The following FLII variants were observed in gnomAD, a reference collection of about 807,000 sequenced individuals.
FLII encodes the protein protein flightless-1 homolog.
In FLII, 101 loss-of-function variants were observed where a neutral mutation model predicts 156.2. The ratio of observed to expected loss-of-function variants is 0.65; its 90% CI spans 0.55 to 0.76. FLII has a LOEUF of 0.76. FLII is among the 30% of genes least tolerant of loss of function. The probability of loss-of-function intolerance (pLI) is 0.00; values close to 1 mark genes in which losing one functional copy is unlikely to be tolerated. For synonymous variants in FLII, 767 were observed against 685.8 expected (o/e 1.12, Z -1.85); for missense variants, 1,675 against 1,682.8 (o/e 1.00, Z 0.08).
intron 3 of FLII, 67 bp downstream of exon 3, chr17:18,256,459 G>T: frequency 1.5e-6 from 2 of 1,309,110 alleles, no homozygotes; most frequent in Non-Finnish European, 2.1e-6. Flanking sequence ...GTCTAGCCCA[G>T]GCTTCACGTC....
chr17:18,252,284 G>A, intron 10 of FLII, 138 bp from the exon 11 acceptor site: 1 of 923,048 alleles, frequency 1.1e-6, no homozygotes, highest in Non-Finnish European at 1.7e-6. Flanking sequence ...CCCACCTCTG[G>A]GGCTGGCTGG....
In FLII at chr17:18,246,283, A is replaced by C. The variant is rs539123081; in HGVS notation, c.3206+25T>G. 8.1e-6 allele frequency: 13 copies of C among 1,614,074 alleles called. No individual in the cohort carries two copies. In the East Asian group the frequency reaches 2.9e-4, roughly 36 times the overall value. On this transcript the variant is annotated intron_variant, in intron 24 of 29. Transcript: ENST00000327031. Reference sequence around the variant, plus strand: ...CCTGGCTCCCTGACGCTTGCTCGCCACTGCGTCCTCCCCCAGCCAGGCACC... The same window carrying C: ...CCTGGCTCCCTGACGCTTGCTCGCCCCTGCGTCCTCCCCCAGCCAGGCACC...
In FLII at chr17:18,245,752, AC is replaced by A. The variant is rs2048019946; in HGVS notation, c.3494del (p.Arg1165LeufsTer14). ...CAGGGCCCTGGCCTCACCGGAAGAG[AC>A]GTGTGTGTTTCATGTACTCGGCATC... ...DDDAEYMKHT[R>X]LFRCSNEKGY... On this transcript the variant is annotated frameshift_variant, in exon 27 of 30. Coordinates refer to ENST00000327031, the MANE Select transcript of FLII (RefSeq NM_002018.4). LOFTEE classifies it high-confidence loss of function. The A allele has an allele frequency of 1.2e-6, 2 of 1,613,562 alleles. No homozygotes were observed. Among genetic ancestry groups the A allele is most frequent in the Non-Finnish European group, 1.7e-6 (2 of 1,179,778 alleles).
chr17:18,249,540 A>G, intron 14 of FLII, 132 bp from the exon 15 acceptor site: 1 of 702,504 alleles, frequency 1.4e-6, no homozygotes, highest in East Asian at 2.7e-5. Context: ...CTGTAATCCC[A>G]GCACTTCAGG....
In FLII at chr17:18,251,806, C is replaced by T; in HGVS notation, c.1257G>A (p.Gly419=). The change falls in exon 12 of 30, where the codon GGG becomes GGA. Residue 419 remains glycine (G), a synonymous_variant. Transcript: ENST00000327031. ...TVAAAAAAGS[G]PKDPMARKMR... is the part of the protein sequence containing the mutation. ...TCTTGCGAGCCATAGGGTCCTTGGGCCCACTCCCTGCTTAGGGGAGGGGCA... is the reference window on the plus strand; with the variant it reads ...TCTTGCGAGCCATAGGGTCCTTGGGTCCACTCCCTGCTTAGGGGAGGGGCA... 6.2e-7 allele frequency: 1 copy of T among 1,613,706 alleles called. No individual in the cohort carries two copies. Among genetic ancestry groups the T allele is most frequent in the Non-Finnish European group, 8.5e-7 (1 of 1,180,024 alleles).
At chr17:18,250,301 TA>T (rs1235116574) in intron 14 of FLII, among the ~76,000 whole-genome samples, 3 of 151,716 alleles carry the variant, frequency 2.0e-5, no homozygotes, top group African/African-American at 4.9e-5. Context: ...TGAATGTGGG[TA>T]AAAAAAACTC....
chr17:18,258,655 G>A lies in FLII; in HGVS notation c.36C>T (p.Gly12=). 6.4e-7 allele frequency: 1 copy of A among 1,551,646 alleles called. No homozygotes were observed. Among genetic ancestry groups the A allele is most frequent in the Non-Finnish European group, 8.6e-7 (1 of 1,158,834 alleles). The change falls in exon 1 of 30, where the codon GGC becomes GGT. Residue 12 remains glycine (G), a synonymous_variant. Transcript: ENST00000327031. This position sits in a 1 kb window ranked among gnomAD's most constrained non-coding sequence, Gnocchi z 4.2. ...TGAAGTCGTTGCCGCTGAGGTCCAC[G>A]CCACGCACGAACGGCAGCACCCCGG... ...EATGVLPFVR[G]VDLSGNDFKG... is the part of the protein sequence containing the mutation.
chr17:18,254,164 C>T lies in FLII; in HGVS notation c.594G>A (p.Thr198=), dbSNP rs1212586013. Residue 198 remains threonine, a synonymous_variant, in exon 7 of 30, where the codon ACG becomes ACA. Coordinates refer to ENST00000327031, the MANE Select transcript of FLII (RefSeq NM_002018.4). ...TCCGCAGGTGCAGGGTCTGCAGGGC[C>T]GTCATCGCTGGGAGCTGCCTGCCAG... ...HAQLRQLPAM[T]ALQTLHLRST... 1.7e-5 allele frequency: 28 copies of T among 1,608,858 alleles called. No homozygotes were observed. The highest frequency in any genetic ancestry group is 3.3e-5 in the South Asian group (3 of 90,666).
rs146521956 is a variant in FLII at position 18,252,126 on chromosome 17, G to A, written c.1119C>T (p.Asn373=). The A allele has an allele frequency of 3.8e-5, 61 of 1,613,306 alleles. No homozygotes were observed. In the African/African-American group the frequency reaches 7.5e-4, roughly 20 times the overall value. Residue 373 remains asparagine (N), a synonymous_variant, in exon 11 of 30, where the codon AAC becomes AAT. Coordinates refer to ENST00000327031, the MANE Select transcript of FLII (RefSeq NM_002018.4). ...GCTTGGGCGGCATGACCAGGTTGGG[G>A]TTCTCCCGCACATCCAGGACCTGCC... ...TEIEVLDVRE[N]PNLVMPPKPA... is the part of the protein sequence containing the mutation.
Position 18,248,739 on chromosome 17 carries a change from A to C in FLII, c.2019-18T>G, listed in dbSNP as rs775861374. On this transcript the variant is annotated intron_variant, in intron 17 of 29. Coordinates refer to ENST00000327031, the MANE Select transcript of FLII (RefSeq NM_002018.4). ...CAAAGAGCCTGAGAGCAGGATGCAAAGTCATCAGCGAGGCTCACACCCCTT... is the reference window on the plus strand; with the variant it reads ...CAAAGAGCCTGAGAGCAGGATGCAACGTCATCAGCGAGGCTCACACCCCTT... 9 of 1,613,928 alleles carry C rather than the reference A, an allele frequency of 5.6e-6. No individual in the cohort carries two copies. Among genetic ancestry groups the C allele is most frequent in the Non-Finnish European group, 7.6e-6 (9 of 1,179,836 alleles).
intron 4 of FLII, 119 bp from the exon 5 acceptor site, chr17:18,254,973 G>T: frequency 2.9e-6 from 3 of 1,050,476 alleles, no homozygotes; most frequent in Non-Finnish European, 4.4e-6. Context: ...GGGCTTCAGG[G>T]CCAAAGGGAG....
Position 18,256,545 on chromosome 17 carries a change from G to T in FLII, c.227C>A (p.Ser76Tyr). Residue 76 changes from serine to tyrosine, a missense_variant, in exon 3 of 30, where the codon TCC becomes TAC. By Grantham distance (144) the Ser-to-Tyr change is moderately radical (BLOSUM62 -2). Coordinates refer to ENST00000327031, the MANE Select transcript of FLII (RefSeq NM_002018.4). ...ACTCACGCGCAGCGATGGCAGGCTG[G>T]ACAGCTCCCCATGAAGCGTGGTCAG... is the stretch of plus-strand genomic sequence containing the variant. ...NNLTTLHGELSSLPSLRAIVA... is the reference protein window; with the variant it reads ...NNLTTLHGELYSLPSLRAIVA... 1.3e-6 allele frequency: 2 copies of T among 1,551,668 alleles called. No individual in the cohort carries two copies. Among genetic ancestry groups the T allele is most frequent in the Non-Finnish European group, 8.7e-7 (1 of 1,146,992 alleles).
Position 18,247,939 on chromosome 17 carries a change from C to T in FLII, c.2285G>A (p.Arg762Lys), listed in dbSNP as rs1398359327. 6.2e-7 allele frequency: 1 copy of T among 1,614,118 alleles called. No individual in the cohort carries two copies. Among genetic ancestry groups the T allele is most frequent in the South Asian group, 1.1e-5 (1 of 91,078 alleles). ...KQRPKVELMPRMRLLQSLLDT... is the reference protein window; with the variant it reads ...KQRPKVELMPKMRLLQSLLDT... ...TCCTGCATCTCTTACCAGCCGCATT[C>T]TTGGCATCAGCTCCACCTTGGGACG... The change falls in exon 19 of 30, where the codon AGA becomes AAA. Residue 762 changes from arginine (R) to lysine (K), a missense_variant. Physicochemically the swap from Arg to Lys is conservative, Grantham distance 26 (BLOSUM62 2). Around this residue, in one of 2 missense-constraint regions of FLII, gnomAD observed 1,332 missense variants for 1,269.3 expected, o/e 1.05. Transcript: ENST00000327031.
chr17:18,247,383 A>T, intron 20 of FLII, 26 bp from the exon 21 acceptor site: 1 of 1,565,786 alleles, frequency 6.4e-7, no homozygotes, highest in Non-Finnish European at 8.7e-7. Flanking sequence ...TCAACTAACC[A>T]TGAGGGGTGC....
chr17:18,258,569 C>T lies in FLII; in HGVS notation c.63+59G>A. 1.3e-6 allele frequency: 2 copies of T among 1,523,740 alleles called. No homozygotes were observed. The highest frequency in any genetic ancestry group is 1.7e-6 in the Non-Finnish European group (2 of 1,142,980). The allele number at this position is 1,523,740 out of a possible 1,614,324, so 94.4% of individuals were successfully genotyped here. A position where few individuals can be genotyped will look rare whatever the true frequency, so the allele number is the denominator to read the frequency against. ...AGCGGGACAGGAAGCGGAGGCCAAG[C>T]GGGCCGGGCGGAAGAGAAGGCCTGC... On this transcript the variant is annotated intron_variant, in intron 1 of 29. Coordinates refer to ENST00000327031, the MANE Select transcript of FLII (RefSeq NM_002018.4). The surrounding 1 kb of genome is among the most constrained non-coding windows in gnomAD (Gnocchi z 4.2).
At chr17:18,255,683 A>G (rs912233210) in intron 3 of FLII, among the ~76,000 whole-genome samples, 1 of 152,040 alleles carries the variant, frequency 6.6e-6, no homozygotes, top group African/African-American at 2.4e-5. Context: ...ACCTCCTCAT[A>G]CCTTACAGAC....
In FLII at chr17:18,245,388, T is replaced by C; in HGVS notation, c.3641A>G (p.Gln1214Arg). The change falls in exon 29 of 30, where the codon CAG becomes CGG. Residue 1214 changes from glutamine to arginine, a missense_variant. Physicochemically the swap from Gln to Arg is conservative, Grantham distance 43. Around this residue, in one of 2 missense-constraint regions of FLII, gnomAD observed 1,332 missense variants for 1,269.3 expected, o/e 1.05. Transcript: ENST00000327031. ...VYMWVGTQTS[Q>R]VEIKLSLKAC... Reference sequence around the variant, plus strand: ...CTTCAGGCTCAGCTTGATCTCCACCTGGCTAGTCTGGGTCCCCACCCACAT... The same window carrying C: ...CTTCAGGCTCAGCTTGATCTCCACCCGGCTAGTCTGGGTCCCCACCCACAT... 1 of 1,614,166 alleles carries C rather than the reference T, an allele frequency of 6.2e-7. No individual in the cohort carries two copies. Among genetic ancestry groups the C allele is most frequent in the Non-Finnish European group, 8.5e-7 (1 of 1,180,018 alleles).
chr17:18,251,590 C>T lies in FLII; in HGVS notation c.1383+90G>A, dbSNP rs1567713179. 7.5e-6 allele frequency: 12 copies of T among 1,589,652 alleles called. 1 individual carries two copies. The East Asian group carries it at 2.7e-4, about 36-fold the overall frequency. On this transcript the variant is annotated intron_variant, in intron 12 of 29. Coordinates refer to ENST00000327031, the MANE Select transcript of FLII (RefSeq NM_002018.4). Reference sequence around the variant, plus strand: ...ACAGCTGTTCTTTCTGCCCAGCACCCCCCGTCCCTCTTGGCCAGGGTCAAG... The same window carrying T: ...ACAGCTGTTCTTTCTGCCCAGCACCTCCCGTCCCTCTTGGCCAGGGTCAAG...
rs1382005464 is a variant in FLII at position 18,258,487 on chromosome 17, G to C, written c.63+141C>G. The C allele has an allele frequency of 1.3e-6, 2 of 1,507,410 alleles. No homozygotes were observed. Among genetic ancestry groups the C allele is most frequent in the African/African-American group, 2.9e-5 (2 of 69,952 alleles). 93.4% of individuals were successfully genotyped at this position (1,507,410 alleles called of 1,614,324 possible). ...GCCTCGGAGGTCCATTCCTGGCCAGGGGAGAGCCCCACCCCGCCCCGGCCG... is the reference window on the plus strand; with the variant it reads ...GCCTCGGAGGTCCATTCCTGGCCAGCGGAGAGCCCCACCCCGCCCCGGCCG... On this transcript the variant is annotated intron_variant, in intron 1 of 29. Coordinates refer to ENST00000327031, the MANE Select transcript of FLII (RefSeq NM_002018.4). This position sits in a 1 kb window ranked among gnomAD's most constrained non-coding sequence, Gnocchi z 4.2.
Sources: gnomAD v4.1 joint callset for allele counts (sites outside exome capture counted in the v4.1 genomes callset) on GRCh38, gnomAD v4.1.1 for gene constraint, gnomAD v4.1.1 regional missense constraint, Gnocchi (gnomAD v3.1) non-coding constraint, MANE v1.5 for transcripts, NCBI Gene and HGNC (gene_info 2026-07-23, HGNC 2026-07-21) for gene names.